The following USP48 variants were observed in gnomAD, a reference collection of about 807,000 sequenced individuals.
USP48 encodes ubiquitin specific peptidase 48, also known as ubiquitin carboxyl-terminal hydrolase 48.
USP48 carries 43 observed loss-of-function variants against 150.7 expected under a neutral mutation model. The observed-to-expected ratio is 0.29, with a 90% CI of 0.22 to 0.37. USP48 has a LOEUF of 0.37. Ranked by LOEUF, USP48 falls within the 10% of genes least tolerant of loss-of-function variation. USP48 has a pLI of 1.00. For synonymous variants in USP48, 396 were observed against 425.9 expected (o/e 0.93, Z 0.86); for missense variants, 813 against 1,249.6 (o/e 0.65, Z 5.27).
chr1:21,751,601 C>T lies in USP48; in HGVS notation c.680G>A (p.Gly227Asp), dbSNP rs1330400093. ...YAYVTVCNQC[G>D]RESKLLSKFY... The stretch of plus-strand genomic sequence containing the variant: ...TTTTGACAAAAGCTTAGACTCTCTG[C>T]CACACTGGTTGCAACTATAATAAAA... Residue 227 changes from glycine to aspartate, a missense_variant, in exon 6 of 27, where the codon GGC becomes GAC. By Grantham distance (94) the Gly-to-Asp change is moderately conservative. Transcript: ENST00000308271. 1.9e-6 allele frequency: 3 copies of T among 1,613,584 alleles called. No homozygotes were observed. Among genetic ancestry groups the T allele is most frequent in the Non-Finnish European group, 2.5e-6 (3 of 1,179,814 alleles).
Position 21,782,834 on chromosome 1 carries a change from C to G in USP48, c.124G>C (p.Gly42Arg), listed in dbSNP as rs1392767506. 9 of 1,554,984 alleles carry G rather than the reference C, an allele frequency of 5.8e-6. No individual in the cohort carries two copies. The highest frequency in any genetic ancestry group is 6.9e-6 in the Non-Finnish European group (8 of 1,151,698). ...YRIWLEPCIRGVCRRNCKGNP... is the reference protein window; with the variant it reads ...YRIWLEPCIRRVCRRNCKGNP... Reference sequence around the variant, plus strand: ...GTGCGCGGGCCTCACCTGCACACGCCGCGAATGCAGGGCTCCAGCCAGATG... The same window carrying G: ...GTGCGCGGGCCTCACCTGCACACGCGGCGAATGCAGGGCTCCAGCCAGATG... Residue 42 changes from glycine to arginine, a missense_variant, in exon 1 of 27, where the codon GGC (glycine) becomes CGC (arginine). By Grantham distance (125) the Gly-to-Arg change is moderately radical. Coordinates refer to ENST00000308271, the MANE Select transcript of USP48 (RefSeq NM_032236.8).
At position 21,706,170 on chromosome 1, in the gene USP48, G is replaced by A. The variant is rs368141211; in HGVS notation, c.2229C>T (p.Tyr743=). The part of the protein sequence containing the change: ...SNWPEDTDVL[Y]IVSQFFVEEW... Reference sequence around the variant, plus strand: ...CTTCTACAAAGAACTGAGACACGATGTAGAGGACATCCGTATCCTAGAACA... The same window carrying A: ...CTTCTACAAAGAACTGAGACACGATATAGAGGACATCCGTATCCTAGAACA... Residue 743 remains tyrosine, a synonymous_variant, in exon 18 of 27, where the codon TAC becomes TAT. Transcript: ENST00000308271. The A allele has an allele frequency of 1.9e-5, 31 of 1,613,730 alleles. No homozygotes were observed. In the African/African-American group the frequency reaches 3.6e-4, roughly 19 times the overall value.
chr1:21,781,098 C>T (rs1222334403), intron 1 of USP48, among the ~76,000 whole-genome samples: 1 of 149,770 alleles, frequency 6.7e-6, no homozygotes, highest in East Asian at 2.0e-4. Context: ...ATTTATCCAG[C>T]GTCTCACGAC....
rs2097918356 is a variant in USP48 at position 21,782,978 on chromosome 1, C to T, written c.-21G>A. 1.3e-6 allele frequency: 2 copies of T among 1,515,246 alleles called. No homozygotes were observed. The highest frequency in any genetic ancestry group is 5.2e-5 in the East Asian group (2 of 38,220). The allele number at this position is 1,515,246 out of a possible 1,614,324, so 93.9% of individuals were successfully genotyped here. A position where few individuals can be genotyped will look rare whatever the true frequency, so the allele number is the denominator to read the frequency against. On this transcript the variant is annotated 5_prime_UTR_variant, in exon 1 of 27. Transcript: ENST00000308271. Reference sequence around the variant, plus strand: ...GCCATGGCCTTGGCCCCAGGAACGCCTCCCGAGCCAGACCGCCGCAGCCGC... The same window carrying T: ...GCCATGGCCTTGGCCCCAGGAACGCTTCCCGAGCCAGACCGCCGCAGCCGC...
rs778674564 is a variant in USP48 at position 21,679,387 on chromosome 1, A to G, written c.*30T>C. The G allele has an allele frequency of 1.5e-5, 25 of 1,613,926 alleles. No individual in the cohort carries two copies. The highest frequency in any genetic ancestry group is 1.9e-5 in the Non-Finnish European group (22 of 1,179,952). ...GTCAAACTCCTCTTCCCCTCTGGTC[A>G]TTTCTTAGCAGTCAGCAAGTATTCA... On this transcript the variant is annotated 3_prime_UTR_variant, in exon 27 of 27. Transcript: ENST00000308271.
intron 14 of USP48, among the ~76,000 whole-genome samples, chr1:21,718,923 A>G (rs2097712066): frequency 6.6e-6 from 1 of 152,156 alleles, no homozygotes; most frequent in South Asian, 2.1e-4. Flanking sequence ...TAGAACTCAA[A>G]TTGATGTTAA....
At position 21,758,185 on chromosome 1, in the gene USP48, A is replaced by AACACACACACAC. The variant is rs149088635; in HGVS notation, c.135-414_135-403dup. 6.5e-3 allele frequency among the ~76,000 whole-genome samples: 916 copies of AACACACACACAC among 141,416 alleles called. 5 individuals are homozygous for AACACACACACAC. Among genetic ancestry groups the AACACACACACAC allele is most frequent in the Non-Finnish European group, 7.8e-3 (509 of 65,352 alleles). The allele number at this position is 141,416 out of a possible 152,430, so 92.8% of individuals were successfully genotyped here. A position where few individuals can be genotyped will look rare whatever the true frequency, so the allele number is the denominator to read the frequency against. ...ATGGCAGAGTACTATGCAACTGTAA[A>AACACACACACAC]ACACACACACACACACACACACACA... is the stretch of plus-strand genomic sequence containing the variant. On this transcript the variant is annotated intron_variant, in intron 1 of 26. Transcript: ENST00000308271.
intron 8 of USP48, among the ~76,000 whole-genome samples, chr1:21,745,569 T>C (rs1259989080): frequency 6.6e-6 from 1 of 151,960 alleles, no homozygotes; most frequent in African/African-American, 2.4e-5. Flanking sequence ...CAAAAACAAA[T>C]TAATAAAAAA....
intron 9 of USP48, among the ~76,000 whole-genome samples, chr1:21,733,282 T>G (rs2097761345): frequency 6.6e-6 from 1 of 152,130 alleles, no homozygotes; most frequent in African/African-American, 2.4e-5. Flanking sequence ...TCAGGCGTGG[T>G]GGCACGTGCC....
chr1:21,727,612 T>A (rs1428344268), intron 11 of USP48, among the ~76,000 whole-genome samples: 1 of 152,216 alleles, frequency 6.6e-6, no homozygotes, highest in Non-Finnish European at 1.5e-5. Flanking sequence ...AATTTAGAGA[T>A]CTGAATCATG....
At chr1:21,774,922 G>A (rs941186360) in intron 1 of USP48, among the ~76,000 whole-genome samples, 1 of 151,588 alleles carries the variant, frequency 6.6e-6, no homozygotes. Context: ...ACCTTGGGAG[G>A]CGGAGGTTGC....
intron 14 of USP48, among the ~76,000 whole-genome samples, chr1:21,719,884 C>CAAAT (rs542684922): frequency 1.8e-4 from 27 of 151,240 alleles, no homozygotes; most frequent in African/African-American, 6.3e-4. Context: ...AACTCCATCT[C>CAAAT]AAATAAATAA....
intron 24 of USP48, among the ~76,000 whole-genome samples, chr1:21,688,797 T>C (rs1281468854): frequency 1.4e-5 from 2 of 143,504 alleles, no homozygotes; most frequent in Non-Finnish European, 3.0e-5. Flanking sequence ...GAGCCGAGAT[T>C]GTGCCACTGC....
At chr1:21,681,950 C>A (rs2097567121) in intron 25 of USP48, among the ~76,000 whole-genome samples, 1 of 152,230 alleles carries the variant, frequency 6.6e-6, no homozygotes, top group Admixed American at 6.5e-5. Context: ...CGCATCCCAC[C>A]ACTCCAATAT....
chr1:21,722,064 C>A (rs1443944805), intron 12 of USP48, among the ~76,000 whole-genome samples: 1 of 151,914 alleles, frequency 6.6e-6, no homozygotes, highest in East Asian at 1.9e-4. Context: ...AATCAAATCA[C>A]TGAGGTTCTA....
At chr1:21,698,315 A>C (rs1341309552) in intron 22 of USP48, among the ~76,000 whole-genome samples, 1 of 152,218 alleles carries the variant, frequency 6.6e-6, no homozygotes, top group Non-Finnish European at 1.5e-5. Flanking sequence ...AGGAAAAGGA[A>C]GACAGAAGAA....
chr1:21,751,646 T>A, intron 5 of USP48, 31 bp from the exon 6 acceptor site: 1 of 1,558,294 alleles, frequency 6.4e-7, no homozygotes, highest in Non-Finnish European at 8.8e-7. Flanking sequence ...AAAATTCAGA[T>A]CAGAGTGTGA....
chr1:21,746,149 C>T (rs2097794010), intron 8 of USP48, among the ~76,000 whole-genome samples: 1 of 152,140 alleles, frequency 6.6e-6, no homozygotes, highest in African/African-American at 2.4e-5. Context: ...TGTAAGCTGC[C>T]TCTAGAAATT....
chr1:21,738,310 G>C (rs527695867), intron 8 of USP48, among the ~76,000 whole-genome samples: 329 of 149,832 alleles, frequency 2.2e-3, no homozygotes, highest in Admixed American at 3.7e-3. Flanking sequence ...CATCTGCCTC[G>C]GCCTCCCAAA....
Sources: allele counts gnomAD v4.1 joint callset (sites outside exome capture counted in the v4.1 genomes callset), GRCh38; gene constraint gnomAD v4.1.1; transcripts MANE v1.5; gene names NCBI Gene and HGNC (gene_info 2026-07-23, HGNC 2026-07-21).